The following TAFA4 variants were observed in gnomAD, a reference collection of about 807,000 sequenced individuals.
The protein encoded by TAFA4 is TAFA chemokine like family member 4, also known as chemokine-like protein TAFA-4.
Under a neutral mutation model 21.1 loss-of-function variants are expected in TAFA4, and 20 were observed. The observed-to-expected ratio is 0.95, with a 90% CI of 0.67 to 1.38. The LOEUF is 1.38. TAFA4 is among the 40% of genes most tolerant of loss of function. TAFA4 has a pLI of 0.00. For synonymous variants in TAFA4, 71 were observed against 67.4 expected (o/e 1.05, Z -0.26); for missense variants, 211 against 180.9 (o/e 1.17, Z -0.95).
In TAFA4 at chr3:68,746,910, C is replaced by T. The variant is rs77610734; in HGVS notation, c.286+5953G>A. On this transcript the variant is annotated intron_variant, in intron 4 of 5. Coordinates refer to ENST00000295569, the MANE Select transcript of TAFA4 (RefSeq NM_182522.5). Reference sequence around the variant, plus strand: ...GGACCTTGTTAATTCTTTATCGTGGCGGTCAATCCTGTACATTGTAAGATG... The same window carrying T: ...GGACCTTGTTAATTCTTTATCGTGGTGGTCAATCCTGTACATTGTAAGATG... Among the ~76,000 whole-genome samples the T allele has an allele frequency of 7.6e-3, 1,153 of 152,266 alleles. 14 individuals carry two copies. The highest frequency in any genetic ancestry group is 0.026 in the African/African-American group (1,068 of 41,538).
At chr3:68,805,106 G>T (rs368834167) in intron 3 of TAFA4, among the ~76,000 whole-genome samples, 3 of 151,370 alleles carry the variant, frequency 2.0e-5, no homozygotes, top group Admixed American at 6.6e-5. Context: ...CAAATTTACA[G>T]GAAAAAAACA....
At chr3:68,744,697 A>T (rs1216893093) in intron 4 of TAFA4, among the ~76,000 whole-genome samples, 1 of 152,152 alleles carries the variant, frequency 6.6e-6, no homozygotes. Flanking sequence ...TATATCACAG[A>T]ACACTATGCC....
intron 3 of TAFA4, among the ~76,000 whole-genome samples, chr3:68,781,754 T>C (rs1703157959): frequency 6.6e-6 from 1 of 152,138 alleles, no homozygotes; most frequent in South Asian, 2.1e-4. Context: ...ATTTACTACC[T>C]CATTTTATGT....
rs535955589 is a variant in TAFA4, at chr3:68,796,592, T to G, written c.131-43574A>C. Among the ~76,000 whole-genome samples the G allele has an allele frequency of 2.2e-4, 33 of 152,312 alleles. No homozygotes were observed. In the Middle Eastern group the frequency reaches 0.01, roughly 47 times the overall value. ...GACATTAGATTTGGCAGTGATTTCTTAGATATGACCAAAAGCGTAAGCAAC... is the reference window on the plus strand; with the variant it reads ...GACATTAGATTTGGCAGTGATTTCTGAGATATGACCAAAAGCGTAAGCAAC... On this transcript the variant is annotated intron_variant, in intron 3 of 5. Transcript: ENST00000295569.
chr3:68,809,830 T>C (rs770366304), intron 3 of TAFA4, among the ~76,000 whole-genome samples: 5 of 152,192 alleles, frequency 3.3e-5, no homozygotes, highest in African/African-American at 4.8e-5. Context: ...CCACTGTGTG[T>C]TGGCATTGTG....
chr3:68,782,321 G>T (rs1226266054), intron 3 of TAFA4, among the ~76,000 whole-genome samples: 1 of 152,174 alleles, frequency 6.6e-6, no homozygotes, highest in African/African-American at 2.4e-5. Flanking sequence ...CAAGAGGATG[G>T]CTGTAAGCAG....
intron 3 of TAFA4, among the ~76,000 whole-genome samples, chr3:68,817,576 G>A (rs909887767): frequency 6.6e-6 from 1 of 152,092 alleles, no homozygotes; most frequent in Non-Finnish European, 1.5e-5. Context: ...CAGCTATAAT[G>A]CTAGGAAATG....
intron 1 of TAFA4, among the ~76,000 whole-genome samples, chr3:68,903,722 G>T (rs770718059): frequency 2.0e-5 from 3 of 152,116 alleles, no homozygotes; most frequent in Admixed American, 6.6e-5. Flanking sequence ...TGTCACAGGG[G>T]TTTGATGTAC....
intron 3 of TAFA4, among the ~76,000 whole-genome samples, chr3:68,852,514 G>A (rs545354759): frequency 7.9e-5 from 12 of 152,288 alleles, no homozygotes; most frequent in South Asian, 2.1e-4. Context: ...TCAACAGTGC[G>A]TAAGGTGATA....
Position 68,873,675 on chromosome 3 carries a change from C to T in TAFA4, c.130+7055G>A, listed in dbSNP as rs2089515073. On this transcript the variant is annotated intron_variant, in intron 3 of 5. Transcript: ENST00000295569. Reference sequence around the variant, plus strand: ...GCAACATGTTCACATGTTCATTTCTCTAGCTCAAATCCAACCAGCCTTTGA... The same window carrying T: ...GCAACATGTTCACATGTTCATTTCTTTAGCTCAAATCCAACCAGCCTTTGA... Among the ~76,000 whole-genome samples the T allele has an allele frequency of 2.0e-5, 3 of 152,276 alleles. No homozygotes were observed. In the South Asian group the frequency reaches 6.2e-4, roughly 32 times the overall value.
At chr3:68,906,293 G>A (rs2089900102) in intron 1 of TAFA4, among the ~76,000 whole-genome samples, 1 of 152,068 alleles carries the variant, frequency 6.6e-6, no homozygotes, top group South Asian at 2.1e-4. Context: ...TCCCTCCCTG[G>A]GCATTAGAAT....
At chr3:68,808,247 G>A (rs2106839147) in intron 3 of TAFA4, among the ~76,000 whole-genome samples, 1 of 152,182 alleles carries the variant, frequency 6.6e-6, no homozygotes, top group African/African-American at 2.4e-5. Context: ...CCCTAAAAAT[G>A]ACCCTTCCAC....
At chr3:68,834,401 G>T (rs921325920) in intron 3 of TAFA4, among the ~76,000 whole-genome samples, 1 of 151,972 alleles carries the variant, frequency 6.6e-6, no homozygotes. Flanking sequence ...TTTATCTGTT[G>T]GTTGTAAACT....
At chr3:68,898,701 C>G (rs1273440776) in intron 1 of TAFA4, among the ~76,000 whole-genome samples, 1 of 152,090 alleles carries the variant, frequency 6.6e-6, no homozygotes, top group Non-Finnish European at 1.5e-5. Context: ...AATATCGGAC[C>G]AATCAAGCAC....
At position 68,869,525 on chromosome 3, in the gene TAFA4, A is replaced by G. The variant is rs142766623; in HGVS notation, c.130+11205T>C. On this transcript the variant is annotated intron_variant, in intron 3 of 5. Coordinates refer to ENST00000295569, the MANE Select transcript of TAFA4 (RefSeq NM_182522.5). ...ATCATTCACCATGATCAAATAATCA[A>G]TGTCATCCCAGGGATGCAAAGATGG... Among the ~76,000 whole-genome samples, 5 of 152,136 alleles carry G rather than the reference A, an allele frequency of 3.3e-5. No homozygotes were observed. The East Asian group carries it at 7.7e-4, about 23-fold the overall frequency.
chr3:68,744,729 A>AAAT (rs1179861297), intron 4 of TAFA4, among the ~76,000 whole-genome samples: 3 of 152,188 alleles, frequency 2.0e-5, no homozygotes, highest in Non-Finnish European at 4.4e-5. Flanking sequence ...ACAGGAAAAA[A>AAAT]AATCAGCATT....
intron 3 of TAFA4, among the ~76,000 whole-genome samples, chr3:68,783,757 G>C (rs376151261): frequency 2.7e-5 from 4 of 149,072 alleles, no homozygotes; most frequent in Admixed American, 6.7e-5. Flanking sequence ...AAGAAAGAAA[G>C]AAACAAAAAC....
At chr3:68,815,367 T>C (rs1182110184) in intron 3 of TAFA4, among the ~76,000 whole-genome samples, 1 of 151,808 alleles carries the variant, frequency 6.6e-6, no homozygotes, top group African/African-American at 2.4e-5. Context: ...ACCATCAGAG[T>C]GAACAGGCAG....
chr3:68,811,293 C>T (rs1044191200), intron 3 of TAFA4, among the ~76,000 whole-genome samples: 1 of 152,160 alleles, frequency 6.6e-6, no homozygotes, highest in African/African-American at 2.4e-5. Context: ...AACGCAGCTC[C>T]TCACCAGCAA....
Sources: allele counts gnomAD v4.1 joint callset (sites outside exome capture counted in the v4.1 genomes callset), GRCh38; gene constraint gnomAD v4.1.1; transcripts MANE v1.5; gene names NCBI Gene and HGNC (gene_info 2026-07-23, HGNC 2026-07-21).